NLGN1: variants seen among roughly 807,000 people sequenced by gnomAD.
NLGN1 encodes the protein neuroligin 1.
In NLGN1, 12 loss-of-function variants were observed where a neutral mutation model predicts 65.5. That is an observed-to-expected ratio of 0.18 (90% CI 0.12 to 0.30). NLGN1 has a LOEUF of 0.30. Ranked by LOEUF, NLGN1 falls within the 10% of genes least tolerant of loss-of-function variation. The pLI, the probability that NLGN1 is intolerant of heterozygous loss-of-function variation, is 1.00. For missense variants in NLGN1, 750 were observed against 1,007.1 expected (o/e 0.74, Z 3.46); for synonymous variants, 350 against 359.5 (o/e 0.97, Z 0.30).
At chr3:173,719,341 T>C (rs1000432714) in intron 3 of NLGN1, among the ~76,000 whole-genome samples, 2 of 152,206 alleles carry the variant, frequency 1.3e-5, no homozygotes, top group Non-Finnish European at 2.9e-5. Flanking sequence ...AACTCCTTTT[T>C]GTGAGTACCT....
chr3:173,442,325 GTTTA>G (rs766838034), intron 2 of NLGN1, among the ~76,000 whole-genome samples: 21 of 152,068 alleles, frequency 1.4e-4, no homozygotes, highest in Non-Finnish European at 2.1e-4. Context: ...TGTATCAAAT[GTTTA>G]TTTTTCATGT....
At chr3:173,776,100 G>A (rs148324921) in intron 3 of NLGN1, among the ~76,000 whole-genome samples, 245 of 152,056 alleles carry the variant, frequency 1.6e-3, no homozygotes, top group African/African-American at 5.5e-3. Context: ...AAAAATGCCC[G>A]ACTAGTATTT....
chr3:174,163,179 G>A (rs1210758866), intron 4 of NLGN1, among the ~76,000 whole-genome samples: 1 of 151,848 alleles, frequency 6.6e-6, no homozygotes, highest in Non-Finnish European at 1.5e-5. Context: ...AGGTAGAATC[G>A]AAAATATTCT....
intron 4 of NLGN1, among the ~76,000 whole-genome samples, chr3:174,185,693 A>G (rs1009792744): frequency 6.6e-6 from 1 of 152,122 alleles, no homozygotes; most frequent in African/African-American, 2.4e-5. Flanking sequence ...AAAGTAACAA[A>G]TTTAATGGTG....
chr3:173,444,122 A>G (rs583173), intron 2 of NLGN1, among the ~76,000 whole-genome samples: 96,830 of 152,136 alleles, frequency 0.64, 32,097 homozygotes, highest in East Asian at 0.92. Context: ...TCACTGGAAT[A>G]CAATACTAAG....
chr3:174,165,637 G>A (rs1223788147), intron 4 of NLGN1, among the ~76,000 whole-genome samples: 1 of 151,802 alleles, frequency 6.6e-6, no homozygotes, highest in East Asian at 1.9e-4. Flanking sequence ...TATGCCTATC[G>A]GGGATATTGG....
At chr3:173,950,705 C>T (rs559368769) in intron 4 of NLGN1, among the ~76,000 whole-genome samples, 9 of 148,340 alleles carry the variant, frequency 6.1e-5, no homozygotes, top group African/African-American at 7.8e-5. Context: ...CCCAGCTACT[C>T]GGGAGGCTGA....
At position 173,902,925 on chromosome 3, in the gene NLGN1, T is replaced by C. The variant is rs771029414; in HGVS notation, c.646+95093T>C. On this transcript the variant is annotated intron_variant, in intron 4 of 6. Coordinates refer to ENST00000457714, the Ensembl canonical transcript of NLGN1. ...TAGTACTTGTATTAAAGAGGTCTCATGGGGTGAAACAGATAAACACAATAA... is the reference window on the plus strand; with the variant it reads ...TAGTACTTGTATTAAAGAGGTCTCACGGGGTGAAACAGATAAACACAATAA... 3.2e-4 allele frequency among the ~76,000 whole-genome samples: 48 copies of C among 152,198 alleles called. No homozygotes were observed. In the Middle Eastern group the frequency reaches 0.01, roughly 32 times the overall value.
chr3:174,119,570 A>G (rs1262238002), intron 4 of NLGN1, among the ~76,000 whole-genome samples: 1 of 152,144 alleles, frequency 6.6e-6, no homozygotes, highest in East Asian at 1.9e-4. Flanking sequence ...GGGGTTGTCT[A>G]TTCTATAACA....
At chr3:174,253,519 A>T (rs1745139955) in intron 4 of NLGN1, among the ~76,000 whole-genome samples, 1 of 152,154 alleles carries the variant, frequency 6.6e-6, no homozygotes, top group Non-Finnish European at 1.5e-5. Context: ...TGAATAGCTA[A>T]TCACTTGGCA....
At chr3:173,459,510 T>G (rs1393922798) in intron 2 of NLGN1, among the ~76,000 whole-genome samples, 1 of 152,136 alleles carries the variant, frequency 6.6e-6, no homozygotes, top group Non-Finnish European at 1.5e-5. Flanking sequence ...TTCTTGAGTT[T>G]GTTATGGTAA....
At position 174,153,967 on chromosome 3, in the gene NLGN1, G is replaced by A. The variant is rs1577120741; in HGVS notation, c.647-121348G>A. Among the ~76,000 whole-genome samples, 10 of 152,148 alleles carry A rather than the reference G, an allele frequency of 6.6e-5. No individual in the cohort carries two copies. In the South Asian group the frequency reaches 1.4e-3, roughly 22 times the overall value. On this transcript the variant is annotated intron_variant, in intron 4 of 6. Coordinates refer to ENST00000457714, the Ensembl canonical transcript of NLGN1. Reference sequence around the variant, plus strand: ...AATGGCTGTGAATTTCTCTATTTGTGTATTTTATTGTCTTTGGCATTCACA... The same window carrying A: ...AATGGCTGTGAATTTCTCTATTTGTATATTTTATTGTCTTTGGCATTCACA...
chr3:173,473,695 G>A (rs1003898096), intron 2 of NLGN1, among the ~76,000 whole-genome samples: 5 of 152,030 alleles, frequency 3.3e-5, no homozygotes, highest in Non-Finnish European at 5.9e-5. Context: ...AAAACAATAC[G>A]TTATTTTTTG....
chr3:174,279,725 G>A lies in NLGN1; in HGVS notation c.1649+75G>A. 1 of 866,704 alleles carries A rather than the reference G, an allele frequency of 1.2e-6. No individual in the cohort carries two copies. Among genetic ancestry groups the A allele is most frequent in the Non-Finnish European group, 1.8e-6 (1 of 562,158 alleles). 53.7% of individuals were successfully genotyped at this position (866,704 alleles called of 1,614,324 possible). Reference sequence around the variant, plus strand: ...CCATTTTAAAATAATAGATATTTATGCCCAGATAATGTCATATTGGATTAA... The same window carrying A: ...CCATTTTAAAATAATAGATATTTATACCCAGATAATGTCATATTGGATTAA... On this transcript the variant is annotated intron_variant, in intron 6 of 6. Coordinates refer to ENST00000457714, the Ensembl canonical transcript of NLGN1. This position sits in a 1 kb window ranked among gnomAD's most constrained non-coding sequence, Gnocchi z 4.7.
intron 1 of NLGN1, among the ~76,000 whole-genome samples, chr3:173,402,533 GGT>G (rs1313622224): frequency 2.6e-5 from 4 of 152,098 alleles, no homozygotes; most frequent in African/African-American, 9.7e-5. Flanking sequence ...AGATTCTGGA[GGT>G]GTGCTGATCC....
intron 4 of NLGN1, among the ~76,000 whole-genome samples, chr3:174,191,758 A>G (rs2152760983): frequency 6.6e-6 from 1 of 152,214 alleles, no homozygotes; most frequent in East Asian, 1.9e-4. Flanking sequence ...CAGGGCTTAA[A>G]CATGTACTTC....
At chr3:173,691,167 C>T (rs1481074741) in intron 3 of NLGN1, among the ~76,000 whole-genome samples, 3 of 152,106 alleles carry the variant, frequency 2.0e-5, no homozygotes, top group East Asian at 3.9e-4. Context: ...AATACTCCTA[C>T]TCCTGTCCTT....
chr3:173,761,634 C>T (rs1168554063), intron 3 of NLGN1, among the ~76,000 whole-genome samples: 2 of 151,794 alleles, frequency 1.3e-5, no homozygotes, highest in Non-Finnish European at 2.9e-5. Context: ...ATCAGGGGGC[C>T]CTCCATTTTA....
intron 2 of NLGN1, among the ~76,000 whole-genome samples, chr3:173,572,741 G>A (rs550606560): frequency 1.3e-4 from 20 of 152,242 alleles, no homozygotes; most frequent in African/African-American, 4.8e-4. Flanking sequence ...GGCATCCTGG[G>A]TATTTTCTCT....
Sources: allele counts gnomAD v4.1 joint callset (sites outside exome capture counted in the v4.1 genomes callset), GRCh38; gene constraint gnomAD v4.1.1; non-coding constraint Gnocchi (gnomAD v3.1); transcripts MANE v1.5; gene names NCBI Gene and HGNC (gene_info 2026-07-23, HGNC 2026-07-21).